TOX2: variants seen among roughly 807,000 people sequenced by gnomAD.
The protein encoded by TOX2 is TOX high mobility group box family member 2.
Under a neutral mutation model 47.4 loss-of-function variants are expected in TOX2, and 15 were observed. The ratio of observed to expected loss-of-function variants is 0.32; its 90% confidence interval spans 0.21 to 0.49. The LOEUF (loss-of-function observed/expected upper bound fraction) is 0.49, where lower values mean the gene tolerates loss of function less well. Ranked by LOEUF, TOX2 falls within the 20% of genes least tolerant of loss-of-function variation. The pLI is 0.99. For synonymous variants in TOX2, 290 were observed against 296.6 expected (o/e 0.98, Z 0.23); for missense variants, 622 against 673.1 (o/e 0.92, Z 0.84).
At chr20:44,065,504 G>GC (rs897178718) in intron 6 of TOX2, among the ~76,000 whole-genome samples, 3 of 152,182 alleles carry the variant, frequency 2.0e-5, no homozygotes, top group Non-Finnish European at 4.4e-5. Flanking sequence ...GGGCAGGGGA[G>GC]CCCCCCAAAG....
rs973863466 is a variant in TOX2 at position 44,068,831 on chromosome 20, C to T, written c.*145C>T. The stretch of plus-strand genomic sequence containing the variant: ...CACCCATTGCCCGGGGGCTGAGTCT[C>T]TTCCTCAACCTCCCACCAGACTCTG... On this transcript the variant is annotated 3_prime_UTR_variant, in exon 9 of 9. Coordinates refer to ENST00000341197, the MANE Select transcript of TOX2 (RefSeq NM_001098797.2). 4.6e-6 allele frequency: 5 copies of T among 1,081,890 alleles called. No homozygotes were observed. The highest frequency in any genetic ancestry group is 1.6e-5 in the African/African-American group (1 of 63,996). 67.0% of individuals were successfully genotyped at this position (1,081,890 alleles called of 1,614,324 possible).
At chr20:43,946,726 T>C (rs1475585992) in intron 1 of TOX2, among the ~76,000 whole-genome samples, 2 of 152,188 alleles carry the variant, frequency 1.3e-5, no homozygotes, top group Admixed American at 1.3e-4. Flanking sequence ...ATGCCCTTAA[T>C]AGGTGGCAGA....
chr20:44,021,369 G>A, intron 3 of TOX2, among the ~76,000 whole-genome samples: 1 of 152,174 alleles, frequency 6.6e-6, no homozygotes, highest in East Asian at 1.9e-4. Flanking sequence ...CAGGGTAACA[G>A]CAAATTATGG....
Position 43,973,252 on chromosome 20 carries a change from C to T in TOX2, c.100-115C>T, listed in dbSNP as rs144102972. The T allele has an allele frequency of 8.4e-4, 855 of 1,015,864 alleles. 2 individuals carry two copies. Among genetic ancestry groups the T allele is most frequent in the African/African-American group, 7.4e-3 (468 of 63,192 alleles). 62.9% of individuals were successfully genotyped at this position (1,015,864 alleles called of 1,614,324 possible). Reference sequence around the variant, plus strand: ...GGCATCCTGGGCTCTGATTTGCCTTCTGCAGCTCCCACAGTCCCCTGCAGT... The same window carrying T: ...GGCATCCTGGGCTCTGATTTGCCTTTTGCAGCTCCCACAGTCCCCTGCAGT... On this transcript the variant is annotated intron_variant, in intron 1 of 8. Transcript: ENST00000341197.
At chr20:43,933,092 A>G (rs1156232176) in intron 1 of TOX2, among the ~76,000 whole-genome samples, 1 of 152,196 alleles carries the variant, frequency 6.6e-6, no homozygotes, top group Non-Finnish European at 1.5e-5. Flanking sequence ...GAAGGGTGAG[A>G]AGCTTCTACC....
rs148350238 is a variant in TOX2, at chr20:43,996,412, G to T, written c.166-10135G>T. Among the ~76,000 whole-genome samples the T allele has an allele frequency of 7.7e-4, 118 of 152,344 alleles. 1 individual carries two copies. The highest frequency in any genetic ancestry group is 2.5e-3 in the African/African-American group (106 of 41,582). ...TTAACGTGACACTGGAACAAGAGGC[G>T]TGGAGCAGGCCTGCCCTGGCCTAGC... On this transcript the variant is annotated intron_variant, in intron 2 of 8. Coordinates refer to ENST00000341197, the MANE Select transcript of TOX2 (RefSeq NM_001098797.2).
In TOX2 at chr20:43,915,940, A is replaced by G. The variant is rs1014936172; in HGVS notation, c.99+950A>G. Among the ~76,000 whole-genome samples, 9 of 152,116 alleles carry G rather than the reference A, an allele frequency of 5.9e-5. No individual in the cohort carries two copies. Among genetic ancestry groups the G allele is most frequent in the Middle Eastern group, 3.2e-3 (1 of 316 alleles). Reference sequence around the variant, plus strand: ...GAGGCTTGCGTGCCTGGAACCCCGAACCCGAGGCGTCAGGTCCCACTGCCG... The same window carrying G: ...GAGGCTTGCGTGCCTGGAACCCCGAGCCCGAGGCGTCAGGTCCCACTGCCG... On this transcript the variant is annotated intron_variant, in intron 1 of 8. Transcript: ENST00000341197. The surrounding 1 kb of genome is among the most constrained non-coding windows in gnomAD (Gnocchi z 7.1).
At chr20:43,962,106 A>G (rs1472970002) in intron 1 of TOX2, among the ~76,000 whole-genome samples, 1 of 152,248 alleles carries the variant, frequency 6.6e-6, no homozygotes, top group Non-Finnish European at 1.5e-5. Flanking sequence ...AGAGCTCCAA[A>G]TGGCTTTAAA....
At position 43,955,235 on chromosome 20, in the gene TOX2, C is replaced by T. The variant is rs561209346; in HGVS notation, c.100-18132C>T. 70 of 985,440 alleles carry T rather than the reference C, an allele frequency of 7.1e-5. No individual in the cohort carries two copies. In the African/African-American group the frequency reaches 1.2e-3, roughly 17 times the overall value. 61.0% of individuals were successfully genotyped at this position (985,440 alleles called of 1,614,324 possible). On this transcript the variant is annotated intron_variant, in intron 1 of 8. Transcript: ENST00000341197. ...TCTGAAATTCAAACAAATTCTGAAA[C>T]TGCACGAGTTCTGGCTGAGAGCTGT...
At chr20:44,029,397 T>C (rs1032679709) in intron 3 of TOX2, among the ~76,000 whole-genome samples, 2 of 152,074 alleles carry the variant, frequency 1.3e-5, no homozygotes, top group Admixed American at 6.5e-5. Context: ...CTGCCCTCAA[T>C]AGTGAAAAGA....
At chr20:44,018,278 C>A (rs2070914529) in intron 3 of TOX2, among the ~76,000 whole-genome samples, 1 of 152,158 alleles carries the variant, frequency 6.6e-6, no homozygotes, top group South Asian at 2.1e-4. Flanking sequence ...CTGCTGGGCT[C>A]CTAATCAGAG....
At chr20:44,021,528 C>T (rs1280020234) in intron 3 of TOX2, among the ~76,000 whole-genome samples, 3 of 152,168 alleles carry the variant, frequency 2.0e-5, no homozygotes, top group Non-Finnish European at 4.4e-5. Context: ...TTTTTGTCTG[C>T]CTTGTGAACT....
At chr20:43,936,337 C>T (rs1039714089) in intron 1 of TOX2, among the ~76,000 whole-genome samples, 4 of 152,202 alleles carry the variant, frequency 2.6e-5, no homozygotes, top group Non-Finnish European at 4.4e-5. Context: ...GTATTATCAG[C>T]GCAAATGCTC....
intron 2 of TOX2, among the ~76,000 whole-genome samples, chr20:43,984,087 T>G (rs1208143519): frequency 2.0e-5 from 3 of 152,202 alleles, no homozygotes; most frequent in African/African-American, 7.2e-5. Flanking sequence ...GAAATTGTGT[T>G]TCACCCGCTG....
chr20:44,013,541 A>G (rs1400865583), intron 3 of TOX2, among the ~76,000 whole-genome samples: 1 of 152,230 alleles, frequency 6.6e-6, no homozygotes, highest in Non-Finnish European at 1.5e-5. Flanking sequence ...CTTAATGCAT[A>G]ACATTTTTGG....
intron 3 of TOX2, among the ~76,000 whole-genome samples, chr20:44,010,167 G>A (rs991225854): frequency 5.9e-5 from 9 of 152,170 alleles, no homozygotes; most frequent in African/African-American, 2.2e-4. Flanking sequence ...TTTACCTAAA[G>A]GAGCAGACTG....
In TOX2 at chr20:43,984,093, C is replaced by T. The variant is rs114850074; in HGVS notation, c.165+10661C>T. The stretch of plus-strand genomic sequence containing the variant: ...TATTAAAATGAAATTGTGTTTCACC[C>T]GCTGTGGTGCGGAGAAGGTAACAGC... On this transcript the variant is annotated intron_variant, in intron 2 of 8. Transcript: ENST00000341197. Among the ~76,000 whole-genome samples, 898 of 152,280 alleles carry T rather than the reference C, an allele frequency of 5.9e-3. 7 individuals are homozygous for T. The highest frequency in any genetic ancestry group is 0.02 in the African/African-American group (850 of 41,556).
At chr20:44,025,339 C>G (rs117144974) in intron 3 of TOX2, among the ~76,000 whole-genome samples, 2,827 of 150,902 alleles carry the variant, frequency 0.019, 50 homozygotes, top group Non-Finnish European at 0.029. Flanking sequence ...CTTTGCACCC[C>G]CATGTCCATT....
rs73290604 is a variant in TOX2 at position 43,962,474 on chromosome 20, C to T, written c.100-10893C>T. 1.7e-3 allele frequency among the ~76,000 whole-genome samples: 258 copies of T among 152,342 alleles called. 2 individuals are homozygous for T. The highest frequency in any genetic ancestry group is 5.7e-3 in the African/African-American group (237 of 41,572). ...TCCCATGGCTGGGGCGAGATTCCTG[C>T]GTCATCACCACGTTCACCCCCAGCC... On this transcript the variant is annotated intron_variant, in intron 1 of 8. Transcript: ENST00000341197.
Sources: gnomAD v4.1 joint callset for allele counts (sites outside exome capture counted in the v4.1 genomes callset) on GRCh38, gnomAD v4.1.1 for gene constraint, Gnocchi (gnomAD v3.1) non-coding constraint, MANE v1.5 for transcripts, NCBI Gene and HGNC (gene_info 2026-07-23, HGNC 2026-07-21) for gene names.